KIAA1217: variants seen among roughly 807,000 people sequenced by gnomAD.
KIAA1217 encodes sickle tail protein homolog.
Under a neutral mutation model 163.9 loss-of-function variants are expected in KIAA1217, and 88 were observed. The observed-to-expected ratio is 0.54, with a 90% CI of 0.45 to 0.64. The LOEUF (loss-of-function observed/expected upper bound fraction) is 0.64, where lower values mean the gene tolerates loss of function less well. KIAA1217 is among the 30% of genes least tolerant of loss of function. The pLI is 0.00. For missense variants in KIAA1217, 2,372 were observed against 2,475.0 expected, an observed-to-expected ratio of 0.96 and a Z score of 0.88; for synonymous variants, 903 against 923.1, an observed-to-expected ratio of 0.98 and a Z score of 0.39.
chr10:23,840,003 A>G (rs1352368835), intron 1 of KIAA1217, among the ~76,000 whole-genome samples: 1 of 152,152 alleles, frequency 6.6e-6, no homozygotes, highest in African/African-American at 2.4e-5. Flanking sequence ...GGCTTTTCTC[A>G]TTTTGACCAG....
intron 2 of KIAA1217, among the ~76,000 whole-genome samples, chr10:24,116,814 A>T (rs556740263): frequency 4.6e-5 from 7 of 152,098 alleles, no homozygotes; most frequent in Non-Finnish European, 8.8e-5. Context: ...ACAAAAATTA[A>T]CTCTTGCACC....
intron 1 of KIAA1217, among the ~76,000 whole-genome samples, chr10:23,774,661 G>T (rs1436868491): frequency 1.3e-5 from 2 of 152,094 alleles, no homozygotes; most frequent in Non-Finnish European, 2.9e-5. Context: ...CATCAGCCAG[G>T]GGTGTCCCCA....
chr10:24,012,016 GGAAA>G lies in KIAA1217; in HGVS notation c.-171+4651_-171+4654del, dbSNP rs574596271. 5.8e-4 allele frequency among the ~76,000 whole-genome samples: 89 copies of G among 152,180 alleles called. 1 individual carries two copies. In the South Asian group the frequency reaches 0.018, roughly 31 times the overall value. On this transcript the variant is annotated intron_variant, in intron 2 of 18. Transcript: ENST00000376462. ...TTCATTTGACCAAGGAAAAATAAAA[GGAAA>G]GAAAGAAACATTTCTACATTTAACA... is the stretch of plus-strand genomic sequence containing the variant.
At chr10:24,298,601 C>A (rs370908046) in intron 2 of KIAA1217, among the ~76,000 whole-genome samples, 2 of 152,050 alleles carry the variant, frequency 1.3e-5, no homozygotes, top group Admixed American at 1.3e-4. Flanking sequence ...AGTTTGAGAC[C>A]AGCCTGGTCA....
intron 1 of KIAA1217, among the ~76,000 whole-genome samples, chr10:23,974,677 A>G (rs1413167098): frequency 6.6e-6 from 1 of 152,116 alleles, no homozygotes; most frequent in Non-Finnish European, 1.5e-5. Context: ...AAAAATAAAT[A>G]AATTGAGCCT....
Position 24,473,253 on chromosome 10 carries a change from G to A in KIAA1217, c.872G>A (p.Arg291Lys), listed in dbSNP as rs1441385871. 6.6e-7 allele frequency: 1 copy of A among 1,517,566 alleles called. No homozygotes were observed. Among genetic ancestry groups the A allele is most frequent in the African/African-American group, 1.4e-5 (1 of 71,644 alleles). The allele number at this position is 1,517,566 out of a possible 1,614,324, so 94.0% of individuals were successfully genotyped here. A position where few individuals can be genotyped will look rare whatever the true frequency, so the allele number is the denominator to read the frequency against. The change falls in exon 6 of 21, where the codon AGA becomes AAA. Residue 291 changes from arginine (R) to lysine (K), a missense_variant. Physicochemically the swap from Arg to Lys is conservative, Grantham distance 26. This residue lies in a region of KIAA1217 where 1,431 missense variants were observed against 1,470.3 expected (regional missense o/e 0.97). Coordinates refer to ENST00000376454, the MANE Select transcript of KIAA1217 (RefSeq NM_019590.5). The part of the protein sequence containing the change: ...MRMQRELVYA[R>K]GDGPGAPRPG... ...ATGCAGAGAGAACTTGTTTATGCAA[G>A]AGGAGATGGCCCTGGGGCCCCTCGC...
At chr10:23,798,636 T>C (rs1196116063) in intron 1 of KIAA1217, among the ~76,000 whole-genome samples, 2 of 152,182 alleles carry the variant, frequency 1.3e-5, no homozygotes, top group Non-Finnish European at 2.9e-5. Flanking sequence ...ATGGAGTTTG[T>C]TGTGTGTCTC....
intron 2 of KIAA1217, among the ~76,000 whole-genome samples, chr10:24,063,241 T>A (rs1646532308): frequency 6.6e-6 from 1 of 152,206 alleles, no homozygotes; most frequent in Non-Finnish European, 1.5e-5. Context: ...TGGTATTGCC[T>A]AGGTTTTCTT....
At chr10:23,770,502 C>T (rs1834745630) in intron 1 of KIAA1217, among the ~76,000 whole-genome samples, 2 of 152,160 alleles carry the variant, frequency 1.3e-5, no homozygotes, top group African/African-American at 2.4e-5. Context: ...GGGGAAAAGA[C>T]AAGAGCTGGT....
At chr10:24,042,816 T>C (rs1044488803) in intron 2 of KIAA1217, among the ~76,000 whole-genome samples, 1 of 152,226 alleles carries the variant, frequency 6.6e-6, no homozygotes, top group Non-Finnish European at 1.5e-5. Context: ...TATTCAAAGT[T>C]TCTTACCCTT....
At chr10:24,502,761 G>T (rs1169205186) in intron 9 of KIAA1217, among the ~76,000 whole-genome samples, 1 of 152,204 alleles carries the variant, frequency 6.6e-6, no homozygotes, top group Admixed American at 6.5e-5. Flanking sequence ...GGGAGGACGA[G>T]GCAGGTGGAT....
At position 24,290,966 on chromosome 10, in the gene KIAA1217, G is replaced by A. The variant is rs1372384077; in HGVS notation, c.354+71057G>A. Among the ~76,000 whole-genome samples the A allele has an allele frequency of 3.8e-4, 58 of 152,108 alleles. 1 individual carries two copies. The highest frequency in any genetic ancestry group is 3.8e-3 in the Admixed American group (58 of 15,276). ...GGGTTGTTTAAAATACATCCAGTGGGAATGGCAAATTGTGCCCTCTTTTCA... is the reference window on the plus strand; with the variant it reads ...GGGTTGTTTAAAATACATCCAGTGGAAATGGCAAATTGTGCCCTCTTTTCA... On this transcript the variant is annotated intron_variant, in intron 2 of 20. Coordinates refer to ENST00000376454, the MANE Select transcript of KIAA1217 (RefSeq NM_019590.5).
intron 2 of KIAA1217, among the ~76,000 whole-genome samples, chr10:24,234,543 A>G (rs537460798): frequency 1.3e-5 from 2 of 150,962 alleles, no homozygotes; most frequent in Admixed American, 1.3e-4. Flanking sequence ...GCATGCATAT[A>G]GTCCCAGCTA....
chr10:23,964,918 A>T (rs1844995241), intron 1 of KIAA1217, among the ~76,000 whole-genome samples: 1 of 152,126 alleles, frequency 6.6e-6, no homozygotes. Context: ...ATAATAGTTG[A>T]ATTCTAAGAG....
chr10:23,756,976 GT>G (rs1306072564), intron 1 of KIAA1217, among the ~76,000 whole-genome samples: 1 of 152,126 alleles, frequency 6.6e-6, no homozygotes, highest in Non-Finnish European at 1.5e-5. Context: ...TGCAGTATTT[GT>G]TTTTCTGTGG....
chr10:23,927,356 GT>G (rs1843068276), intron 1 of KIAA1217, among the ~76,000 whole-genome samples: 2 of 151,624 alleles, frequency 1.3e-5, no homozygotes, highest in African/African-American at 4.9e-5. Context: ...GTGTGTGTGT[GT>G]GTGGCCAAAT....
chr10:24,446,013 C>T (rs1217402447), intron 5 of KIAA1217, among the ~76,000 whole-genome samples: 2 of 152,138 alleles, frequency 1.3e-5, no homozygotes, highest in African/African-American at 4.8e-5. Context: ...TAAAAGTGTT[C>T]CTATTTCTCC....
chr10:23,746,580 C>T (rs1015915444), intron 1 of KIAA1217, among the ~76,000 whole-genome samples: 17 of 151,996 alleles, frequency 1.1e-4, no homozygotes, highest in Non-Finnish European at 2.1e-4. Flanking sequence ...CCCGCCACCA[C>T]GCCCAGCTAA....
chr10:23,793,254 T>A (rs899590410), intron 1 of KIAA1217, among the ~76,000 whole-genome samples: 10 of 152,216 alleles, frequency 6.6e-5, no homozygotes, highest in African/African-American at 2.4e-4. Context: ...CACAAGTGAG[T>A]GGAGAGGACC....
Sources: gnomAD v4.1 joint callset for allele counts (sites outside exome capture counted in the v4.1 genomes callset) on GRCh38, gnomAD v4.1.1 for gene constraint, gnomAD v4.1.1 regional missense constraint, MANE v1.5 for transcripts, NCBI Gene and HGNC (gene_info 2026-07-23, HGNC 2026-07-21) for gene names.